DLGAP2: variants seen among roughly 807,000 people sequenced by gnomAD.
DLGAP2 encodes disks large-associated protein 2.
Under a neutral mutation model 100.3 loss-of-function variants are expected in DLGAP2, and 26 were observed. That is an observed-to-expected ratio of 0.26 (90% CI 0.19 to 0.36). The LOEUF is 0.36. DLGAP2 is among the 10% of genes least tolerant of loss of function. The pLI is 1.00. For missense variants in DLGAP2, 1,858 were observed against 1,453.2 expected (o/e 1.28, Z -4.53); for synonymous variants, 886 against 630.1 (o/e 1.41, Z -6.08).
chr8:1,233,044 G>C (rs1294641906), intron 2 of DLGAP2, among the ~76,000 whole-genome samples: 2 of 152,164 alleles, frequency 1.3e-5, no homozygotes, highest in Non-Finnish European at 2.9e-5. Flanking sequence ...GCGGAATTTT[G>C]TGCCTGGTTT....
chr8:1,312,497 A>G (rs1168974203), intron 3 of DLGAP2, among the ~76,000 whole-genome samples: 2 of 152,190 alleles, frequency 1.3e-5, no homozygotes, highest in African/African-American at 2.4e-5. Context: ...GAAAACACAC[A>G]TGGAGACAAG....
At chr8:1,182,086 A>C (rs1797401144) in intron 2 of DLGAP2, among the ~76,000 whole-genome samples, 2 of 152,216 alleles carry the variant, frequency 1.3e-5, no homozygotes, top group Non-Finnish European at 2.9e-5. Flanking sequence ...GGTCTTGCTA[A>C]GGAGCTGATC....
At chr8:1,533,283 G>A (rs1801045460) in intron 4 of DLGAP2, among the ~76,000 whole-genome samples, 1 of 152,056 alleles carries the variant, frequency 6.6e-6, no homozygotes, top group Admixed American at 6.6e-5. Context: ...CAGATCATGA[G>A]GTCAGGAGAT....
chr8:1,519,778 T>C (rs1800522686), intron 4 of DLGAP2, among the ~76,000 whole-genome samples: 1 of 152,268 alleles, frequency 6.6e-6, no homozygotes, highest in Non-Finnish European at 1.5e-5. Flanking sequence ...CCTGGGGACC[T>C]GGCCCTGTGC....
chr8:1,686,471 C>CAGCCTGGCCAACATGGTGAA (rs1458249956), intron 12 of DLGAP2, among the ~76,000 whole-genome samples: 3 of 152,146 alleles, frequency 2.0e-5, no homozygotes, highest in Non-Finnish European at 4.4e-5. Flanking sequence ...AGTTTGAGAC[C>CAGCCTGGCCAACATGGTGAA]AGCCTGGCCA....
chr8:1,507,685 G>A (rs973678082), intron 4 of DLGAP2, among the ~76,000 whole-genome samples: 2 of 150,652 alleles, frequency 1.3e-5, no homozygotes, highest in African/African-American at 2.5e-5. Flanking sequence ...GATGTGCTGA[G>A]CTTCTGTCTA....
At chr8:1,273,544 A>T (rs1287457966) in intron 3 of DLGAP2, among the ~76,000 whole-genome samples, 4 of 152,202 alleles carry the variant, frequency 2.6e-5, no homozygotes, top group Non-Finnish European at 1.5e-5. Flanking sequence ...GGCCGGCAGG[A>T]ACGTCCTGCT....
chr8:1,092,380 C>G (rs1245675049), intron 2 of DLGAP2, among the ~76,000 whole-genome samples: 2 of 152,214 alleles, frequency 1.3e-5, no homozygotes, highest in Admixed American at 6.5e-5. Flanking sequence ...ACCTTGAGGC[C>G]TCTTATAGCC....
At chr8:764,974 G>T (rs1156456141) in intron 1 of DLGAP2, among the ~76,000 whole-genome samples, 1 of 152,220 alleles carries the variant, frequency 6.6e-6, no homozygotes, top group Non-Finnish European at 1.5e-5. Context: ...AATAAAGCTT[G>T]TGGCTGTTAC....
chr8:1,676,503 T>G (rs1436930824), intron 10 of DLGAP2, 30 bp from the exon 11 acceptor site: 2 of 1,602,716 alleles, frequency 1.2e-6, no homozygotes, highest in Admixed American at 3.4e-5. Context: ...ATGTTTCAGT[T>G]CTAAAATAAG....
chr8:1,444,391 G>C lies in DLGAP2; in HGVS notation c.107-56975G>C, dbSNP rs1797923764. On this transcript the variant is annotated intron_variant, in intron 3 of 14. Transcript: ENST00000637795. ...CAAATTGCTACTGAAAAGGGACATT[G>C]TGGCTTTCTTCATTTCTGGAGGTCA... Among the ~76,000 whole-genome samples, 5 of 152,222 alleles carry C rather than the reference G, an allele frequency of 3.3e-5. 1 individual carries two copies. In the South Asian group the frequency reaches 1.0e-3, roughly 32 times the overall value.
At chr8:1,312,178 A>G (rs1400629855) in intron 3 of DLGAP2, among the ~76,000 whole-genome samples, 8 of 152,194 alleles carry the variant, frequency 5.3e-5, no homozygotes, top group Admixed American at 3.9e-4. Flanking sequence ...ACAGATCTCA[A>G]CCTTTTCATA....
At chr8:1,481,172 A>C (rs887902604) in intron 3 of DLGAP2, among the ~76,000 whole-genome samples, 1 of 152,042 alleles carries the variant, frequency 6.6e-6, no homozygotes, top group Non-Finnish European at 1.5e-5. Flanking sequence ...ACCCCATCTC[A>C]AAAAATAAAA....
chr8:1,357,361 C>T (rs896192459), intron 3 of DLGAP2, among the ~76,000 whole-genome samples: 1 of 151,804 alleles, frequency 6.6e-6, no homozygotes, highest in Non-Finnish European at 1.5e-5. Flanking sequence ...TCACCTAAAC[C>T]AGATACAACC....
rs369987773 is a variant in DLGAP2 at position 988,515 on chromosome 8, C to T, written c.73+80549C>T. The stretch of plus-strand genomic sequence containing the variant: ...TTGCAGTTTGTTTGGCAACAACAGG[C>T]CTTGAAGAAAACCCTCCCGGCTCGG... On this transcript the variant is annotated intron_variant, in intron 2 of 14. Transcript: ENST00000637795. Among the ~76,000 whole-genome samples the T allele has an allele frequency of 2.1e-4, 32 of 152,292 alleles. 1 individual carries two copies. The South Asian group carries it at 6.6e-3, about 32-fold the overall frequency.
intron 2 of DLGAP2, among the ~76,000 whole-genome samples, chr8:1,134,035 C>G (rs1337386565): frequency 6.6e-6 from 1 of 151,918 alleles, no homozygotes; most frequent in Non-Finnish European, 1.5e-5. Context: ...GATGTTGGTC[C>G]CCTTTATGCA....
At chr8:822,325 C>A (rs1796598292) in intron 1 of DLGAP2, 2 of 398,568 alleles carry the variant, frequency 5.0e-6, no homozygotes, top group African/African-American at 4.1e-5. Context: ...CCTGGCCAGG[C>A]TCAGGCTACC....
At chr8:1,219,980 G>C (rs550037872) in intron 2 of DLGAP2, among the ~76,000 whole-genome samples, 2 of 151,800 alleles carry the variant, frequency 1.3e-5, no homozygotes, top group African/African-American at 4.8e-5. Flanking sequence ...ATTTCTGATT[G>C]TGTTTATTTG....
chr8:1,281,034 T>C (rs1799804221), intron 3 of DLGAP2, among the ~76,000 whole-genome samples: 2 of 152,210 alleles, frequency 1.3e-5, no homozygotes, highest in Non-Finnish European at 2.9e-5. Context: ...TCCTGAGCCT[T>C]CTCTGTAAAA....
Sources: allele counts gnomAD v4.1 joint callset (sites outside exome capture counted in the v4.1 genomes callset), GRCh38; gene constraint gnomAD v4.1.1; transcripts MANE v1.5; gene names NCBI Gene and HGNC (gene_info 2026-07-23, HGNC 2026-07-21).